Variants in MARVELD3 observed in about 807,000 individuals in gnomAD.
The protein encoded by MARVELD3 is MARVEL domain containing 3.
Under a neutral mutation model 33.5 loss-of-function variants are expected in MARVELD3, and 28 were observed. The ratio of observed to expected loss-of-function variants is 0.84; its 90% confidence interval spans 0.62 to 1.15. MARVELD3 has a LOEUF of 1.15. Ranked by LOEUF, MARVELD3 falls within the 50% of genes most tolerant of loss-of-function variation. MARVELD3 has a pLI of 0.00. For missense variants in MARVELD3, 582 were observed against 547.6 expected (o/e 1.06, Z -0.63); for synonymous variants, 241 against 230.4 (o/e 1.05, Z -0.42).
Position 71,635,931 on chromosome 16 carries a change from T to C in MARVELD3, c.*1128T>C, listed in dbSNP as rs2044578630. The C allele has an allele frequency of 8.1e-6, 8 of 985,442 alleles. No homozygotes were observed. Among genetic ancestry groups the C allele is most frequent in the Non-Finnish European group, 9.6e-6 (8 of 829,938 alleles). 61.0% of individuals were successfully genotyped at this position (985,442 alleles called of 1,614,324 possible). On this transcript the variant is annotated 3_prime_UTR_variant, in exon 3 of 3. Transcript: ENST00000268485. The stretch of plus-strand genomic sequence containing the variant: ...CTCAATAAGTGTTTTGTACCTCTTG[T>C]AAATGTGCCATTGTGTGAAGCATTA...
intron 1 of MARVELD3, chr16:71,629,131 A>T: frequency 2.2e-6 from 1 of 456,940 alleles, no homozygotes; most frequent in East Asian, 4.0e-5. Context: ...AGGGGCAGAC[A>T]AACCATCAGC....
rs2145282466 is a variant in MARVELD3, at chr16:71,635,058, C to T, written c.*255C>T. The T allele has an allele frequency of 1.7e-6, 2 of 1,148,644 alleles. No homozygotes were observed. Among genetic ancestry groups the T allele is most frequent in the Non-Finnish European group, 2.2e-6 (2 of 928,954 alleles). The allele number at this position is 1,148,644 out of a possible 1,614,324, so 71.2% of individuals were successfully genotyped here. ...AAAGCAAAAAAATGGCCGGCCTCGG[C>T]GGCTCACACCTGTAACCCCAGCACT... On this transcript the variant is annotated 3_prime_UTR_variant, in exon 3 of 3. Coordinates refer to ENST00000268485, the MANE Select transcript of MARVELD3 (RefSeq NM_052858.6).
chr16:71,639,946 CAAAACA>C (rs2044605355), downstream of MARVELD3, among the ~76,000 whole-genome samples: 1 of 151,834 alleles, frequency 6.6e-6, no homozygotes, highest in African/African-American at 2.4e-5. Context: ...AGATTGAAAA[CAAAACA>C]AAAACAAAAA....
At chr16:71,639,453 T>TTC (rs2044602630), downstream of MARVELD3, 1 of 148,814 alleles carries the variant, frequency 6.7e-6, no homozygotes, top group East Asian at 2.0e-4. Flanking sequence ...TTCCTTTTTT[T>TTC]TTTTTTTTTT....
chr16:71,628,681 G>T (rs1049115203), intron 1 of MARVELD3, among the ~76,000 whole-genome samples: 1 of 152,088 alleles, frequency 6.6e-6, no homozygotes, highest in Non-Finnish European at 1.5e-5. Context: ...GGGTCTGCGA[G>T]CATGAGGTTG....
rs71403861 is a variant in MARVELD3, at chr16:71,629,778, G to C, written c.595+284G>C. 5 of 430,232 alleles carry C rather than the reference G, an allele frequency of 1.2e-5. No individual in the cohort carries two copies. In the South Asian group the frequency reaches 2.8e-4, roughly 24 times the overall value. 26.7% of individuals were successfully genotyped at this position (430,232 alleles called of 1,614,324 possible). On this transcript the variant is annotated intron_variant, in intron 2 of 2. Transcript: ENST00000268485. The stretch of plus-strand genomic sequence containing the variant: ...CTTTCAGACTCCAGGTGGAAGTGCA[G>C]AGGCCTGTAGGTGGAACTGGCTATG...
At chr16:71,640,726 C>G (rs1029258367), downstream of MARVELD3, 7 of 1,614,136 alleles carry the variant, frequency 4.3e-6, no homozygotes, top group Admixed American at 5.0e-5. Flanking sequence ...CTCCTAGCGG[C>G]AGTGGGCTAC....
downstream of MARVELD3, chr16:71,640,665 AGTCGAACAAT>A: frequency 6.2e-7 from 1 of 1,614,234 alleles, no homozygotes; most frequent in African/African-American, 1.3e-5. Context: ...AGGAGCCAAG[AGTCGAACAAT>A]GTTGTCAGGG....
chr16:71,640,980 G>C, downstream of MARVELD3: 1 of 1,612,882 alleles, frequency 6.2e-7, no homozygotes, highest in Non-Finnish European at 8.5e-7. Flanking sequence ...AGAACAGCCC[G>C]GAAGTTACAG....
downstream of MARVELD3, chr16:71,639,024 T>C (rs2044599235): frequency 6.7e-6 from 1 of 149,924 alleles, no homozygotes; most frequent in Non-Finnish European, 1.5e-5. Flanking sequence ...GTTACATACA[T>C]GAAATCACAC....
chr16:71,635,972 A>T lies in MARVELD3; in HGVS notation c.*1169A>T. On this transcript the variant is annotated 3_prime_UTR_variant, in exon 3 of 3. Transcript: ENST00000268485. Reference sequence around the variant, plus strand: ...TGAAGCATTAAACCCAACATCTAGAATTCAGGATTCATCCAGAATAAAAGG... The same window carrying T: ...TGAAGCATTAAACCCAACATCTAGATTTCAGGATTCATCCAGAATAAAAGG... 3 of 985,444 alleles carry T rather than the reference A, an allele frequency of 3.0e-6. No homozygotes were observed. The highest frequency in any genetic ancestry group is 3.6e-6 in the Non-Finnish European group (3 of 829,936). The allele number at this position is 985,444 out of a possible 1,614,324, so 61.0% of individuals were successfully genotyped here.
Position 71,626,271 on chromosome 16 carries a change from G to A in MARVELD3, c.42G>A (p.Pro14=). 2 of 1,535,040 alleles carry A rather than the reference G, an allele frequency of 1.3e-6. No homozygotes were observed. Among genetic ancestry groups the A allele is most frequent in the Non-Finnish European group, 1.8e-6 (2 of 1,140,364 alleles). ...PSGAREPRAR[P]RERDPGRRPH... ...GGGCTCGCGAGCCCCGGGCCCGGCC[G>A]AGAGAGCGGGACCCGGGACGGCGCC... The change falls in exon 1 of 3, where the codon CCG becomes CCA. Residue 14 remains proline, a synonymous_variant. Coordinates refer to ENST00000268485, the MANE Select transcript of MARVELD3 (RefSeq NM_052858.6). This position sits in a 1 kb window ranked among gnomAD's most constrained non-coding sequence, Gnocchi z 5.3.
chr16:71,626,539 C>T lies in MARVELD3; in HGVS notation c.310C>T (p.His104Tyr), dbSNP rs773797356. 74 of 1,549,544 alleles carry T rather than the reference C, an allele frequency of 4.8e-5. No homozygotes were observed. In the South Asian group the frequency reaches 7.0e-4, roughly 15 times the overall value. The stretch of plus-strand genomic sequence containing the variant: ...GGACGCGGGCCCTCGCGCAGGTGAA[C>T]ACGGAGTTTGGGAAAAACCGCGCCA... ...HRDAGPRAGE[H>Y]GVWEKPRQSR... Residue 104 changes from histidine (H) to tyrosine (Y), a missense_variant, in exon 1 of 3, where the codon CAC (histidine) becomes TAC (tyrosine). By Grantham distance (83) the His-to-Tyr change is moderately conservative (BLOSUM62 2). Coordinates refer to ENST00000268485, the MANE Select transcript of MARVELD3 (RefSeq NM_052858.6). This position sits in a 1 kb window ranked among gnomAD's most constrained non-coding sequence, Gnocchi z 5.3.
At chr16:71,639,035 G>A (rs377050126), downstream of MARVELD3, 18 of 147,470 alleles carry the variant, frequency 1.2e-4, no homozygotes, top group Admixed American at 9.5e-4. Context: ...GAAATCACAC[G>A]GTATGTAACT....
downstream of MARVELD3, among the ~76,000 whole-genome samples, chr16:71,637,411 C>T (rs1050529365): frequency 6.6e-6 from 1 of 152,204 alleles, no homozygotes; most frequent in Admixed American, 6.5e-5. Context: ...GTAGGGTCCA[C>T]TAACCCCCAT....
Position 71,634,409 on chromosome 16 carries a change from C to A in MARVELD3, c.812C>A (p.Thr271Asn). 6.2e-7 allele frequency: 1 copy of A among 1,614,260 alleles called. No homozygotes were observed. Among genetic ancestry groups the A allele is most frequent in the Non-Finnish European group, 8.5e-7 (1 of 1,180,054 alleles). The part of the protein sequence containing the change: ...QFYQLKLPMV[T>N]VAMACSGALT... ...TACCAGCTAAAGCTGCCCATGGTCA[C>A]TGTGGCAATGGCCTGTAGTGGAGCC... The change falls in exon 3 of 3, where the codon ACT (threonine) becomes AAT (asparagine). Residue 271 changes from threonine to asparagine, a missense_variant. Transcript: ENST00000268485.
chr16:71,639,105 CTT>C (rs2044600395), downstream of MARVELD3: 1 of 102,206 alleles, frequency 9.8e-6, no homozygotes, highest in Non-Finnish European at 1.8e-5. Flanking sequence ...GAGTTTCACT[CTT>C]GTCGCCCAGG....
downstream of MARVELD3, among the ~76,000 whole-genome samples, chr16:71,640,181 A>C (rs906231266): frequency 6.6e-6 from 1 of 151,912 alleles, no homozygotes; most frequent in Non-Finnish European, 1.5e-5. Flanking sequence ...AGGCAGGAGA[A>C]TCGCTTGAAG....
intron 2 of MARVELD3, among the ~76,000 whole-genome samples, chr16:71,633,756 CA>C (rs2044554963): frequency 6.8e-6 from 1 of 147,216 alleles, no homozygotes; most frequent in South Asian, 2.3e-4. Flanking sequence ...AGGTTAGTCT[CA>C]AACTCCTGGG....
Sources: allele counts gnomAD v4.1 joint callset (sites outside exome capture counted in the v4.1 genomes callset), GRCh38; gene constraint gnomAD v4.1.1; non-coding constraint Gnocchi (gnomAD v3.1); transcripts MANE v1.5; gene names NCBI Gene and HGNC (gene_info 2026-07-23, HGNC 2026-07-21).